The following TUBGCP5 variants were observed in gnomAD, a reference collection of about 807,000 sequenced individuals.
The protein encoded by TUBGCP5 is gamma-tubulin complex component 5.
A neutral mutation model predicts 134.7 loss-of-function variants in TUBGCP5; 98 were observed. The observed-to-expected ratio is 0.73, with a 90% CI of 0.62 to 0.86. TUBGCP5 has a LOEUF of 0.86. Among genes scored for constraint, TUBGCP5 ranks in the 40% least tolerant of loss-of-function variants. The pLI, the probability that TUBGCP5 is intolerant of heterozygous loss-of-function variation, is 0.00. For missense variants in TUBGCP5, 1,150 were observed against 1,244.8 expected, an observed-to-expected ratio of 0.92 and a Z score of 1.15; for synonymous variants, 456 against 431.4, an observed-to-expected ratio of 1.06 and a Z score of -0.71.
At chr15:23,017,621 T>A in intron 13 of TUBGCP5, 152 bp downstream of exon 13, 1 of 728,404 alleles carries the variant, frequency 1.4e-6, no homozygotes, top group South Asian at 2.2e-5. Flanking sequence ...AAGAGCAGCA[T>A]GGTTACTAAT....
downstream of TUBGCP5, among the ~76,000 whole-genome samples, chr15:22,998,491 C>T (rs892018109): frequency 6.6e-6 from 1 of 152,148 alleles, no homozygotes; most frequent in Admixed American, 6.5e-5. Flanking sequence ...CAAGGTCTTG[C>T]TCTGTTGTCC....
chr15:23,005,301 T>C lies in TUBGCP5; in HGVS notation c.2712+131A>G, dbSNP rs759204488. On this transcript the variant is annotated intron_variant, in intron 19 of 22. Coordinates refer to ENST00000615383, the MANE Select transcript of TUBGCP5 (RefSeq NM_052903.6). ...CTCCCACTGCCATGTTATTTTATGA[T>C]CAAATTTGCTACATGTCCCGTTTTC... The C allele has an allele frequency of 2.0e-4, 200 of 1,024,434 alleles. 1 individual carries two copies. Among genetic ancestry groups the C allele is most frequent in the Non-Finnish European group, 2.7e-4 (193 of 711,772 alleles). The allele number at this position is 1,024,434 out of a possible 1,614,324, so 63.5% of individuals were successfully genotyped here.
At chr15:23,021,926 G>GAGTC in intron 11 of TUBGCP5, 33 bp downstream of exon 11, 1 of 1,600,918 alleles carries the variant, frequency 6.2e-7, no homozygotes, top group Non-Finnish European at 8.6e-7. Flanking sequence ...GTGCAGCATG[G>GAGTC]AGTCACACAC....
At chr15:23,019,107 T>C (rs950082899) in intron 12 of TUBGCP5, 112 bp downstream of exon 12, 2 of 678,744 alleles carry the variant, frequency 2.9e-6, no homozygotes, top group Admixed American at 5.5e-5. Flanking sequence ...AGTTCTGTGA[T>C]GTGAACTGTG....
rs2065422690 is a variant in TUBGCP5 at position 23,017,756 on chromosome 15, G to A, written c.1756+17C>T. On this transcript the variant is annotated intron_variant, in intron 13 of 22. Transcript: ENST00000615383. ...TGTCCCAACACCAAGAGAGACACAG[G>A]AAGACGGAACAAGTACCTCTGGCTC... 1 of 1,608,602 alleles carries A rather than the reference G, an allele frequency of 6.2e-7. No individual in the cohort carries two copies. Among genetic ancestry groups the A allele is most frequent in the Admixed American group, 1.7e-5 (1 of 59,594 alleles).
intron 16 of TUBGCP5, 89 bp from the exon 17 acceptor site, chr15:23,006,441 A>G: frequency 1.1e-6 from 1 of 869,772 alleles, no homozygotes; most frequent in Non-Finnish European, 1.8e-6. Context: ...CATTTACATA[A>G]TATTCCCCAA....
Position 23,004,146 on chromosome 15 carries a change from T to C in TUBGCP5, c.2794A>G (p.Arg932Gly). The C allele has an allele frequency of 1.9e-6, 3 of 1,613,550 alleles. No individual in the cohort carries two copies. Among genetic ancestry groups the C allele is most frequent in the Non-Finnish European group, 1.7e-6 (2 of 1,179,814 alleles). Reference sequence around the variant, plus strand: ...CGGTCATGGATGGTTGACAGATACCTATAGTGAATTTTAATCAATTGATCT... The same window carrying C: ...CGGTCATGGATGGTTGACAGATACCCATAGTGAATTTTAATCAATTGATCT... ...DLDQLIKIHY[R>G]YLSTIHDRCL... The change falls in exon 20 of 23, where the codon AGG (arginine) becomes GGG (glycine). Residue 932 changes from arginine to glycine, a missense_variant. Physicochemically the swap from Arg to Gly is moderately radical, Grantham distance 125. Around this residue, in one of 2 missense-constraint regions of TUBGCP5, gnomAD observed 697 missense variants for 850.1 expected, o/e 0.82. Coordinates refer to ENST00000615383, the MANE Select transcript of TUBGCP5 (RefSeq NM_052903.6).
chr15:23,014,398 G>C (rs866215020), intron 13 of TUBGCP5, among the ~76,000 whole-genome samples: 1 of 152,210 alleles, frequency 6.6e-6, no homozygotes, highest in Admixed American at 6.5e-5. Context: ...CCAACAGAGC[G>C]GCCACAGGCC....
chr15:23,019,114 T>C (rs2065507542), intron 12 of TUBGCP5, 105 bp downstream of exon 12: 1 of 733,582 alleles, frequency 1.4e-6, no homozygotes, highest in African/African-American at 1.8e-5. Context: ...TGATGTGAAC[T>C]GTGCTTTCTC....
intron 23 of TUBGCP5, among the ~76,000 whole-genome samples, chr15:22,992,540 C>G (rs989091318): frequency 1.3e-5 from 2 of 152,008 alleles, no homozygotes; most frequent in African/African-American, 4.8e-5. Context: ...AATGGCTCTG[C>G]TCTTGGACTG....
At position 23,017,992 on chromosome 15, in the gene TUBGCP5, T is replaced by G; in HGVS notation, c.1537A>C (p.Thr513Pro). The change falls in exon 13 of 23, where the codon ACG (threonine) becomes CCG (proline). Residue 513 changes from threonine to proline, a missense_variant. This residue lies in a region of TUBGCP5 where 697 missense variants were observed against 850.1 expected (regional missense o/e 0.82). Coordinates refer to ENST00000615383, the MANE Select transcript of TUBGCP5 (RefSeq NM_052903.6). ...GTCTTTTCTGATACGCTATATAACG[T>G]GTAAGTTGCATACCAGAAGTCTCTG... Reference protein sequence around the residue: ...NHRDFWYATYTLYSVSEKTEN... With the variant: ...NHRDFWYATYPLYSVSEKTEN... 1 of 1,614,040 alleles carries G rather than the reference T, an allele frequency of 6.2e-7. No individual in the cohort carries two copies. The highest frequency in any genetic ancestry group is 8.5e-7 in the Non-Finnish European group (1 of 1,179,914).
chr15:23,036,100 TC>T (rs1378150843), intron 3 of TUBGCP5, among the ~76,000 whole-genome samples: 1 of 152,162 alleles, frequency 6.6e-6, no homozygotes, highest in Non-Finnish European at 1.5e-5. Context: ...CCCACCGTGT[TC>T]AGGGAACCCA....
At chr15:23,004,519 G>C (rs929387963) in intron 19 of TUBGCP5, 10 of 365,278 alleles carry the variant, frequency 2.7e-5, no homozygotes, top group Admixed American at 5.0e-5. Context: ...AGCACATTAA[G>C]CTGTATATAA....
intron 1 of TUBGCP5, among the ~76,000 whole-genome samples, chr15:23,038,052 C>A (rs918533563): frequency 3.9e-5 from 6 of 152,190 alleles, no homozygotes; most frequent in Non-Finnish European, 7.3e-5. Flanking sequence ...GCGTGAGCCA[C>A]CGCGCCCAGT....
In TUBGCP5 at chr15:23,003,873, G is replaced by T. The variant is rs2064545704; in HGVS notation, c.2838+229C>A. 1.3e-5 allele frequency among the ~76,000 whole-genome samples: 2 copies of T among 152,002 alleles called. 1 individual carries two copies. Among genetic ancestry groups the T allele is most frequent in the Admixed American group, 1.3e-4 (2 of 15,240 alleles). The stretch of plus-strand genomic sequence containing the variant: ...TTGCTATGTTGCCCAGGGTGGTCTT[G>T]AACTCTTGGCCTCATAAGATCTGCC... On this transcript the variant is annotated intron_variant, in intron 20 of 22. Transcript: ENST00000615383.
chr15:23,028,520 TAAAAGAG>T (rs2140623479), intron 6 of TUBGCP5, among the ~76,000 whole-genome samples: 1 of 151,202 alleles, frequency 6.6e-6, no homozygotes, highest in Admixed American at 6.6e-5. Context: ...ATTATTAGGA[TAAAAGAG>T]AAAAGTTATG....
At chr15:23,028,821 GTCA>G (rs2140626437) in intron 6 of TUBGCP5, among the ~76,000 whole-genome samples, 1 of 152,214 alleles carries the variant, frequency 6.6e-6, no homozygotes, top group East Asian at 1.9e-4. Context: ...ATTTGATCAT[GTCA>G]CAGAGAAGAT....
rs187871021 is a variant in TUBGCP5 at position 23,002,923 on chromosome 15, C to G, written c.2927+142G>C. 6 of 615,970 alleles carry G rather than the reference C, an allele frequency of 9.7e-6. No homozygotes were observed. In the African/African-American group the frequency reaches 1.1e-4, roughly 12 times the overall value. The allele number at this position is 615,970 out of a possible 1,614,324, so 38.2% of individuals were successfully genotyped here. ...TAAAGACTGGGTTTTGCTATGTTGCCCAGGCTAGTCTTGAACTCCTGGGGT... is the reference window on the plus strand; with the variant it reads ...TAAAGACTGGGTTTTGCTATGTTGCGCAGGCTAGTCTTGAACTCCTGGGGT... On this transcript the variant is annotated intron_variant, in intron 21 of 22. Coordinates refer to ENST00000615383, the MANE Select transcript of TUBGCP5 (RefSeq NM_052903.6).
At chr15:23,009,100 G>A (rs2064885702) in intron 15 of TUBGCP5, among the ~76,000 whole-genome samples, 1 of 151,748 alleles carries the variant, frequency 6.6e-6, no homozygotes, top group African/African-American at 2.4e-5. Context: ...TAACATTATA[G>A]AAAATTGGGC....
Sources: allele counts gnomAD v4.1 joint callset (sites outside exome capture counted in the v4.1 genomes callset), GRCh38; gene constraint gnomAD v4.1.1; regional missense constraint gnomAD v4.1.1; transcripts MANE v1.5; gene names NCBI Gene and HGNC (gene_info 2026-07-23, HGNC 2026-07-21).